The following MRO variants were observed in gnomAD, a reference collection of about 807,000 sequenced individuals.
MRO encodes protein maestro.
MRO carries 28 observed loss-of-function variants against 31.0 expected under a neutral mutation model. That is an observed-to-expected ratio of 0.90 (90% CI 0.67 to 1.24). The LOEUF (loss-of-function observed/expected upper bound fraction) is 1.24. MRO is among the 50% of genes most tolerant of loss of function. MRO has a pLI of 0.00. For synonymous variants in MRO, 108 were observed against 108.4 expected (o/e 1.00, Z 0.02); for missense variants, 332 against 289.2 (o/e 1.15, Z -1.07).
intron 2 of MRO, chr18:50,814,691 T>C (rs1318540970): frequency 1.0e-5 from 2 of 193,350 alleles, no homozygotes; most frequent in East Asian, 2.6e-4. Flanking sequence ...AAAATGTTTG[T>C]CGGGAAGTAA....
Position 50,797,485 on chromosome 18 carries a change from T to TG in MRO, c.*1851dup, listed in dbSNP as rs1598998011. On this transcript the variant is annotated 3_prime_UTR_variant, in exon 8 of 8. Transcript: ENST00000398439. ...ATGAGTATCAGGAGGCATGACTCATTGGGGGCCACCAAAATAAAAGCCTAC... is the reference window on the plus strand; with the variant it reads ...ATGAGTATCAGGAGGCATGACTCATTGGGGGGCCACCAAAATAAAAGCCTAC... 1 of 152,222 alleles carries TG rather than the reference T, an allele frequency of 6.6e-6. No homozygotes were observed. Among genetic ancestry groups the TG allele is most frequent in the East Asian group, 1.9e-4 (1 of 5,196 alleles). The allele number at this position is 152,222 out of a possible 1,614,324, so 9.4% of individuals were successfully genotyped here.
At chr18:50,799,814 G>A (rs1913118836) in intron 7 of MRO, among the ~76,000 whole-genome samples, 1 of 152,198 alleles carries the variant, frequency 6.6e-6, no homozygotes, top group Non-Finnish European at 1.5e-5. Flanking sequence ...AAGAAGCTGA[G>A]GCACGAGAAT....
At chr18:50,801,262 A>C in intron 6 of MRO, 87 bp downstream of exon 6, 1 of 1,200,378 alleles carries the variant, frequency 8.3e-7, no homozygotes. Context: ...GCTGGCAGGA[A>C]CCCTAGGGTC....
At chr18:50,809,224 A>G in intron 3 of MRO, 78 bp downstream of exon 3, 1 of 1,070,462 alleles carries the variant, frequency 9.3e-7, no homozygotes. Context: ...GGCCTAACTA[A>G]CCACAGACCA....
At chr18:50,815,479 C>A in intron 2 of MRO, 1 of 290,426 alleles carries the variant, frequency 3.4e-6, no homozygotes, top group Non-Finnish European at 6.9e-6. Flanking sequence ...GTAGAGGGGG[C>A]CGTGGTGGTG....
At chr18:50,807,604 G>GGATTAATCTAGTA (rs1914071697) in intron 3 of MRO, among the ~76,000 whole-genome samples, 14 of 152,038 alleles carry the variant, frequency 9.2e-5, no homozygotes, top group South Asian at 4.1e-4. Flanking sequence ...AAACATTTCA[G>GGATTAATCTAGTA]CACTGATCTA....
intron 6 of MRO, among the ~76,000 whole-genome samples, 169 bp from the exon 7 acceptor site, chr18:50,800,312 A>C (rs1913172248): frequency 6.6e-6 from 1 of 152,238 alleles, no homozygotes; most frequent in African/African-American, 2.4e-5. Context: ...TATGCTTATA[A>C]AATGGCCATG....
chr18:50,808,425 T>A (rs982550439), intron 3 of MRO, among the ~76,000 whole-genome samples: 1 of 151,908 alleles, frequency 6.6e-6, no homozygotes, highest in African/African-American at 2.4e-5. Context: ...ATTCCTGGAT[T>A]TTCATTACAG....
In MRO at chr18:50,806,863, T is replaced by C. The variant is rs761529204; in HGVS notation, c.100-13A>G. The stretch of plus-strand genomic sequence containing the variant: ...GTTTCCAAGAGACCTGGGTGATGGG[T>C]CAAAAATGTATTAATTTGGGAGTGT... On this transcript the variant is annotated splice_polypyrimidine_tract_variant and intron_variant, in intron 3 of 7. Coordinates refer to ENST00000398439, the MANE Select transcript of MRO (RefSeq NM_031939.6). 6.2e-7 allele frequency: 1 copy of C among 1,613,510 alleles called. No individual in the cohort carries two copies. Among genetic ancestry groups the C allele is most frequent in the East Asian group, 2.2e-5 (1 of 44,874 alleles).
At chr18:50,800,622 C>T (rs1162595598) in intron 6 of MRO, among the ~76,000 whole-genome samples, 3 of 152,174 alleles carry the variant, frequency 2.0e-5, no homozygotes, top group Admixed American at 6.5e-5. Context: ...AGATGGCTCA[C>T]GCCTATAATC....
At chr18:50,800,301 G>A (rs1262558840) in intron 6 of MRO, among the ~76,000 whole-genome samples, 158 bp from the exon 7 acceptor site, 1 of 152,220 alleles carries the variant, frequency 6.6e-6, no homozygotes, top group East Asian at 1.9e-4. Flanking sequence ...CTTAAAGGAT[G>A]TATGCTTATA....
At chr18:50,809,854 T>C (rs1323077062) in intron 2 of MRO, among the ~76,000 whole-genome samples, 1 of 152,258 alleles carries the variant, frequency 6.6e-6, no homozygotes, top group East Asian at 1.9e-4. Context: ...GGCAATTCTT[T>C]AATCCTATAG....
rs929467809 is a variant in MRO, at chr18:50,796,620, G to C, written c.*2717C>G. On this transcript the variant is annotated 3_prime_UTR_variant, in exon 8 of 8. Transcript: ENST00000398439. ...CCAGGTGGGTGTGTACAGGTGAGCAGGGAGGGGACTCAACACAGAAATAGC... is the reference window on the plus strand; with the variant it reads ...CCAGGTGGGTGTGTACAGGTGAGCACGGAGGGGACTCAACACAGAAATAGC... 6.6e-6 allele frequency: 1 copy of C among 152,356 alleles called. No individual in the cohort carries two copies. The highest frequency in any genetic ancestry group is 2.4e-5 in the African/African-American group (1 of 41,398). 9.4% of individuals were successfully genotyped at this position (152,356 alleles called of 1,614,324 possible). A position where few individuals can be genotyped will look rare whatever the true frequency, so the allele number is the denominator to read the frequency against.
rs149839065 is a variant in MRO at position 50,819,964 on chromosome 18, C to A, written c.-194G>T. The A allele has an allele frequency of 9.7e-6, 15 of 1,551,478 alleles. No individual in the cohort carries two copies. In the East Asian group the frequency reaches 3.7e-4, roughly 38 times the overall value. ...TGCTGTGATTTCCCCTCCTTCTTCCCTCATGCCAGCCTGGTCGACACTTTC... is the reference window on the plus strand; with the variant it reads ...TGCTGTGATTTCCCCTCCTTCTTCCATCATGCCAGCCTGGTCGACACTTTC... On this transcript the variant is annotated 5_prime_UTR_variant, in exon 1 of 8. In the 5' UTR this introduces an upstream ATG that the reference lacks. Coordinates refer to ENST00000398439, the MANE Select transcript of MRO (RefSeq NM_031939.6).
chr18:50,817,059 T>C (rs1035376141), intron 2 of MRO, among the ~76,000 whole-genome samples: 1 of 152,144 alleles, frequency 6.6e-6, no homozygotes, highest in Admixed American at 6.6e-5. Flanking sequence ...TAGGCGTAAG[T>C]AGAACTCAAG....
upstream of MRO, chr18:50,820,059 C>A: frequency 1.7e-6 from 2 of 1,166,828 alleles, no homozygotes; most frequent in South Asian, 2.7e-5. Flanking sequence ...CCTGCCAAGG[C>A]CCGTTCCCCA....
At chr18:50,819,061 GAA>G (rs11300287) in intron 2 of MRO, among the ~76,000 whole-genome samples, 1 of 148,718 alleles carries the variant, frequency 6.7e-6, no homozygotes, top group African/African-American at 2.5e-5. Flanking sequence ...TCAAAAAAAT[GAA>G]AAAAAAAATT....
chr18:50,817,990 T>TCC (rs1240034038), intron 2 of MRO, among the ~76,000 whole-genome samples: 8 of 111,022 alleles, frequency 7.2e-5, no homozygotes, highest in Non-Finnish European at 1.1e-4. Flanking sequence ...CTTAAAGAAC[T>TCC]CCCACCCCCC....
chr18:50,822,351 A>T (rs1006321948), upstream of MRO, among the ~76,000 whole-genome samples: 2 of 79,540 alleles, frequency 2.5e-5, no homozygotes, highest in African/African-American at 8.0e-5. Flanking sequence ...ATTTTATTTT[A>T]TTTTTGAGAC....
Sources: allele counts gnomAD v4.1 joint callset (sites outside exome capture counted in the v4.1 genomes callset), GRCh38; gene constraint gnomAD v4.1.1; transcripts MANE v1.5; gene names NCBI Gene and HGNC (gene_info 2026-07-23, HGNC 2026-07-21).